The following ZNF385D variants were observed in gnomAD, a reference collection of about 807,000 sequenced individuals.
ZNF385D encodes the protein zinc finger protein 659.
ZNF385D carries 15 observed loss-of-function variants against 35.8 expected under a neutral mutation model. The ratio of observed to expected loss-of-function variants is 0.42; its 90% CI spans 0.28 to 0.64. The LOEUF (loss-of-function observed/expected upper bound fraction) is 0.64. Ranked by LOEUF, ZNF385D falls within the 30% of genes least tolerant of loss-of-function variation. The pLI is 0.23. For missense variants in ZNF385D, 474 were observed against 494.6 expected, an observed-to-expected ratio of 0.96 and a Z score of 0.39; for synonymous variants, 212 against 186.8, an observed-to-expected ratio of 1.13 and a Z score of -1.10.
At chr3:22,242,595 C>T (rs952475098) in intron 2 of ZNF385D, among the ~76,000 whole-genome samples, 3 of 150,586 alleles carry the variant, frequency 2.0e-5, no homozygotes, top group East Asian at 1.9e-4. Flanking sequence ...AAGGTTATAA[C>T]GAAGGAAATA....
chr3:21,916,825 G>C (rs1050584822), intron 3 of ZNF385D, among the ~76,000 whole-genome samples: 3 of 152,156 alleles, frequency 2.0e-5, no homozygotes, highest in African/African-American at 7.2e-5. Context: ...AATATTCCTA[G>C]AAGAGACTTT....
At chr3:21,846,113 T>G (rs75174950) in intron 3 of ZNF385D, among the ~76,000 whole-genome samples, 135 of 152,106 alleles carry the variant, frequency 8.9e-4, no homozygotes, top group African/African-American at 3.2e-3. Flanking sequence ...GGAAAAATAA[T>G]TGCAATTACA....
intron 4 of ZNF385D, among the ~76,000 whole-genome samples, chr3:21,466,961 C>T (rs979773845): frequency 2.0e-5 from 3 of 152,116 alleles, no homozygotes; most frequent in East Asian, 3.9e-4. Flanking sequence ...TGGACCTGAA[C>T]CCAAATTTTC....
At chr3:21,614,471 C>A (rs746032999) in intron 2 of ZNF385D, among the ~76,000 whole-genome samples, 11 of 152,226 alleles carry the variant, frequency 7.2e-5, no homozygotes, top group Non-Finnish European at 1.2e-4. Context: ...CAGACCCTAA[C>A]AGTCCCCTAG....
intron 2 of ZNF385D, among the ~76,000 whole-genome samples, chr3:22,368,843 A>G (rs546146130): frequency 1.3e-5 from 2 of 152,342 alleles, no homozygotes; most frequent in South Asian, 4.1e-4. Context: ...CCATAGCAGG[A>G]AGACATCACT....
At chr3:22,228,163 T>A (rs1698673579) in intron 2 of ZNF385D, among the ~76,000 whole-genome samples, 1 of 152,136 alleles carries the variant, frequency 6.6e-6, no homozygotes, top group Non-Finnish European at 1.5e-5. Flanking sequence ...GGTGAGACGA[T>A]GAGCAGAGAT....
intron 3 of ZNF385D, chr3:21,777,656 T>G (rs2071340917): frequency 6.6e-6 from 1 of 152,008 alleles, no homozygotes; most frequent in African/African-American, 2.4e-5. Flanking sequence ...TTTTTCACCC[T>G]TCTTCATATC....
intron 2 of ZNF385D, among the ~76,000 whole-genome samples, chr3:22,229,869 CCT>C (rs1334827022): frequency 6.6e-6 from 1 of 152,144 alleles, no homozygotes; most frequent in Non-Finnish European, 1.5e-5. Context: ...TGGTTTAGCC[CCT>C]CTCTCTGCCC....
intron 2 of ZNF385D, among the ~76,000 whole-genome samples, chr3:21,602,200 T>C (rs2064315072): frequency 1.3e-5 from 2 of 152,056 alleles, no homozygotes; most frequent in African/African-American, 4.8e-5. Flanking sequence ...TGGGGGAAAC[T>C]GCCCCCATGA....
At chr3:22,179,318 T>C (rs1379590031) in intron 2 of ZNF385D, among the ~76,000 whole-genome samples, 1 of 152,198 alleles carries the variant, frequency 6.6e-6, no homozygotes, top group African/African-American at 2.4e-5. Context: ...GTAAGTTGGA[T>C]TCCTAGGTAT....
intron 2 of ZNF385D, among the ~76,000 whole-genome samples, chr3:22,196,617 G>C (rs1261463626): frequency 2.0e-5 from 3 of 151,814 alleles, no homozygotes; most frequent in East Asian, 1.9e-4. Context: ...ACTTATTAGA[G>C]TCCATTGCAG....
chr3:21,810,996 G>GTATATATA (rs557279868), intron 3 of ZNF385D, among the ~76,000 whole-genome samples: 6 of 133,238 alleles, frequency 4.5e-5, no homozygotes, highest in African/African-American at 1.8e-4. Context: ...GTGTGTGTGT[G>GTATATATA]TGTATATATA....
At chr3:22,299,844 T>C (rs1040493400) in intron 2 of ZNF385D, among the ~76,000 whole-genome samples, 11 of 151,888 alleles carry the variant, frequency 7.2e-5, no homozygotes, top group Admixed American at 2.0e-4. Context: ...ATAACCTGTG[T>C]CCGTAGATTA....
intron 2 of ZNF385D, among the ~76,000 whole-genome samples, chr3:22,282,082 C>T (rs1000803429): frequency 4.6e-5 from 7 of 152,102 alleles, no homozygotes; most frequent in African/African-American, 1.4e-4. Context: ...TCTGTGTTAT[C>T]AGTTGTAATA....
At chr3:21,667,473 T>G (rs977651525) in intron 1 of ZNF385D, among the ~76,000 whole-genome samples, 1 of 152,198 alleles carries the variant, frequency 6.6e-6, no homozygotes, top group Non-Finnish European at 1.5e-5. Flanking sequence ...TAAATTACTT[T>G]CATTTGTGTC....
intron 3 of ZNF385D, among the ~76,000 whole-genome samples, chr3:21,947,912 A>C (rs150710832): frequency 1.3e-5 from 2 of 152,258 alleles, no homozygotes; most frequent in East Asian, 3.9e-4. Flanking sequence ...TCACCACATT[A>C]TATGAAGTAG....
intron 2 of ZNF385D, among the ~76,000 whole-genome samples, chr3:21,656,768 A>G (rs2125236094): frequency 6.6e-6 from 1 of 152,042 alleles, no homozygotes; most frequent in African/African-American, 2.4e-5. Flanking sequence ...ATCACTCAAT[A>G]ACTCTAGGCT....
At chr3:21,961,635 T>C (rs1702599959) in intron 3 of ZNF385D, 1 of 152,164 alleles carries the variant, frequency 6.6e-6, no homozygotes, top group Non-Finnish European at 1.5e-5. Flanking sequence ...ACATACATTA[T>C]TTCATTGATT....
intron 2 of ZNF385D, chr3:21,579,785 G>A (rs1291529447): frequency 6.6e-6 from 1 of 151,990 alleles, no homozygotes; most frequent in Admixed American, 6.6e-5. Flanking sequence ...AGCCGTCTCT[G>A]GTGCCCTTTG....
Sources: allele counts gnomAD v4.1 joint callset (sites outside exome capture counted in the v4.1 genomes callset), GRCh38; gene constraint gnomAD v4.1.1; transcripts MANE v1.5; gene names NCBI Gene and HGNC (gene_info 2026-07-23, HGNC 2026-07-21).